The following NBAS variants were observed in gnomAD, a reference collection of about 807,000 sequenced individuals.
NBAS encodes the protein NBAS subunit of NRZ tethering complex.
In NBAS, 219 loss-of-function variants were observed where a neutral mutation model predicts 302.5. That is an observed-to-expected ratio of 0.72 (90% CI 0.65 to 0.81). The LOEUF (loss-of-function observed/expected upper bound fraction) is 0.81, where lower values mean the gene tolerates loss of function less well. NBAS is among the 30% of genes least tolerant of loss of function. The probability of loss-of-function intolerance (pLI) is 0.00; values close to 1 mark genes in which losing one functional copy is unlikely to be tolerated. For synonymous variants in NBAS, 1,118 were observed against 1,021.6 expected (o/e 1.09, Z -1.80); for missense variants, 2,932 against 2,841.6 (o/e 1.03, Z -0.72).
In NBAS at chr2:15,207,853, T is replaced by C. The variant is rs892611917; in HGVS notation, c.6432+10920A>G. Reference sequence around the variant, plus strand: ...TCTTTATAAATTACTCAGTCTCAGGTAGTTCTTTACAGCCGTGTGAAAATG... The same window carrying C: ...TCTTTATAAATTACTCAGTCTCAGGCAGTTCTTTACAGCCGTGTGAAAATG... On this transcript the variant is annotated intron_variant, in intron 48 of 51. Transcript: ENST00000281513. Among the ~76,000 whole-genome samples, 33 of 151,868 alleles carry C rather than the reference T, an allele frequency of 2.2e-4. 1 individual carries two copies. Among genetic ancestry groups the C allele is most frequent in the African/African-American group, 7.0e-4 (29 of 41,302 alleles).
intron 28 of NBAS, among the ~76,000 whole-genome samples, chr2:15,392,315 C>A: frequency 6.6e-6 from 1 of 150,390 alleles, no homozygotes; most frequent in Admixed American, 6.6e-5. Flanking sequence ...GGTAAAGAAA[C>A]ACTATCACAG....
At chr2:15,356,476 C>A (rs1054956014) in intron 32 of NBAS, 60 bp from the exon 33 acceptor site, 10 of 1,067,480 alleles carry the variant, frequency 9.4e-6, no homozygotes, top group Non-Finnish European at 1.2e-5. Flanking sequence ...GATAGAAGAG[C>A]TTGTTAACAC....
the NBAS span, among the ~76,000 whole-genome samples, chr2:14,787,884 G>A: frequency 6.6e-6 from 1 of 152,126 alleles, no homozygotes; most frequent in East Asian, 1.9e-4. Context: ...GCTAGATTGG[G>A]GAAGTTCTCC....
At chr2:14,842,317 A>G in the NBAS span, among the ~76,000 whole-genome samples, 1 of 151,990 alleles carries the variant, frequency 6.6e-6, no homozygotes, top group Non-Finnish European at 1.5e-5. Flanking sequence ...GAGGAAAGTA[A>G]TAAGATCAGA....
the NBAS span, among the ~76,000 whole-genome samples, chr2:14,897,251 T>C: frequency 6.6e-6 from 1 of 152,158 alleles, no homozygotes; most frequent in Non-Finnish European, 1.5e-5. Context: ...GCTTTTCTCC[T>C]TATCAAAACT....
the NBAS span, among the ~76,000 whole-genome samples, chr2:15,003,880 C>G: frequency 6.6e-6 from 1 of 152,230 alleles, no homozygotes; most frequent in Admixed American, 6.5e-5. Flanking sequence ...AGAATGCTCT[C>G]TCGCTGCTGA....
At chr2:15,423,048 A>AT (rs1340600559) in intron 23 of NBAS, among the ~76,000 whole-genome samples, 3 of 152,088 alleles carry the variant, frequency 2.0e-5, no homozygotes, top group Non-Finnish European at 4.4e-5. Context: ...TTGATCATTT[A>AT]TTTTTTTACA....
At chr2:15,021,101 G>A in the NBAS span, among the ~76,000 whole-genome samples, 3 of 151,928 alleles carry the variant, frequency 2.0e-5, no homozygotes, top group East Asian at 1.9e-4. Flanking sequence ...GCATGTTGGC[G>A]GGCACCTGTA....
the NBAS span, among the ~76,000 whole-genome samples, chr2:15,144,675 TC>T: frequency 2.0e-4 from 30 of 152,118 alleles, no homozygotes; most frequent in Admixed American, 1.7e-3. Context: ...ATATCTATCC[TC>T]TAAAAAAAAG....
At chr2:14,894,831 G>A in the NBAS span, among the ~76,000 whole-genome samples, 1 of 152,144 alleles carries the variant, frequency 6.6e-6, no homozygotes, top group Non-Finnish European at 1.5e-5. Flanking sequence ...GGCTGAGGTG[G>A]GCGGATCACG....
chr2:14,906,346 A>G, the NBAS span, among the ~76,000 whole-genome samples: 1 of 152,236 alleles, frequency 6.6e-6, no homozygotes, highest in African/African-American at 2.4e-5. Context: ...AAAAAGAAAG[A>G]TAAGCAAGAT....
intron 14 of NBAS, among the ~76,000 whole-genome samples, chr2:15,474,694 G>C (rs1284324342): frequency 6.6e-6 from 1 of 152,030 alleles, no homozygotes; most frequent in Admixed American, 6.6e-5. Context: ...CCGAGTAGCT[G>C]GGATTACAGG....
At chr2:14,905,277 T>A in the NBAS span, among the ~76,000 whole-genome samples, 2 of 152,260 alleles carry the variant, frequency 1.3e-5, no homozygotes, top group Non-Finnish European at 2.9e-5. Context: ...TAACCATCAC[T>A]GTGCGCAACC....
intron 31 of NBAS, among the ~76,000 whole-genome samples, chr2:15,372,810 T>C (rs1052057903): frequency 6.6e-6 from 1 of 152,206 alleles, no homozygotes; most frequent in Admixed American, 6.5e-5. Flanking sequence ...GATATACACA[T>C]ATTACCAGCA....
the NBAS span, among the ~76,000 whole-genome samples, chr2:14,826,670 A>T: frequency 1.3e-5 from 2 of 152,192 alleles, no homozygotes; most frequent in Non-Finnish European, 2.9e-5. Flanking sequence ...TGCACAAGAG[A>T]GGCTGACTGA....
intron 11 of NBAS, among the ~76,000 whole-genome samples, chr2:15,498,772 C>T (rs1681168486): frequency 6.7e-6 from 1 of 149,920 alleles, no homozygotes; most frequent in African/African-American, 2.4e-5. Flanking sequence ...TCTCTCTCTC[C>T]TGCTCCACCA....
chr2:15,012,550 C>T, the NBAS span, among the ~76,000 whole-genome samples: 2 of 152,060 alleles, frequency 1.3e-5, no homozygotes, highest in Non-Finnish European at 2.9e-5. Context: ...ATCTAGAAAG[C>T]TCAAAGAACT....
intron 10 of NBAS, among the ~76,000 whole-genome samples, chr2:15,505,602 A>G (rs966959483): frequency 1.3e-5 from 2 of 152,242 alleles, no homozygotes; most frequent in African/African-American, 4.8e-5. Flanking sequence ...AGGTATTTGA[A>G]CTTTGCTATA....
At chr2:15,295,708 T>C (rs951956088) in intron 40 of NBAS, among the ~76,000 whole-genome samples, 6 of 152,206 alleles carry the variant, frequency 3.9e-5, no homozygotes, top group Non-Finnish European at 7.3e-5. Flanking sequence ...AGAGATCATG[T>C]GTATATCATA....
Sources: gnomAD v4.1 joint callset for allele counts (sites outside exome capture counted in the v4.1 genomes callset) on GRCh38, gnomAD v4.1.1 for gene constraint, MANE v1.5 for transcripts, NCBI Gene and HGNC (gene_info 2026-07-23, HGNC 2026-07-21) for gene names.